TAOK3: variants seen among roughly 807,000 people sequenced by gnomAD.
TAOK3 encodes the protein TAO kinase 3, also known as serine/threonine-protein kinase TAO3.
In TAOK3, 40 loss-of-function variants were observed where a neutral mutation model predicts 120.4. The ratio of observed to expected loss-of-function variants is 0.33; its 90% CI spans 0.26 to 0.43. TAOK3 has a LOEUF of 0.43. Ranked by LOEUF, TAOK3 falls within the 20% of genes least tolerant of loss-of-function variation. The pLI is 1.00. For synonymous variants in TAOK3, 355 were observed against 387.5 expected (o/e 0.92, Z 0.99); for missense variants, 821 against 1,112.1 (o/e 0.74, Z 3.72).
chr12:118,317,097 T>C (rs1179580634), intron 1 of TAOK3, among the ~76,000 whole-genome samples: 3 of 151,942 alleles, frequency 2.0e-5, no homozygotes, highest in African/African-American at 4.8e-5. Flanking sequence ...GCCCCGTCTC[T>C]ATTAAAAATA....
intron 19 of TAOK3, among the ~76,000 whole-genome samples, chr12:118,158,803 G>C (rs1248974375): frequency 1.3e-5 from 2 of 152,060 alleles, no homozygotes; most frequent in Non-Finnish European, 2.9e-5. Flanking sequence ...TCAAACTCCT[G>C]GCTTCTGAGG....
intron 9 of TAOK3, among the ~76,000 whole-genome samples, chr12:118,222,273 G>T (rs947931722): frequency 6.6e-5 from 10 of 152,222 alleles, no homozygotes; most frequent in African/African-American, 9.6e-5. Context: ...GGTGACTCAC[G>T]CCTATAATCC....
In TAOK3 at chr12:118,319,531, A is replaced by T. The variant is rs1475268303; in HGVS notation, c.-193-52772T>A. ...TGAAATGAGAACTAGAAAACTTAAT[A>T]TTGTCAAGGACTTGAATAGCCATTT... On this transcript the variant is annotated intron_variant, in intron 1 of 20. Coordinates refer to ENST00000392533, the MANE Select transcript of TAOK3 (RefSeq NM_016281.4). Among the ~76,000 whole-genome samples the T allele has an allele frequency of 5.3e-5, 8 of 152,296 alleles. No individual in the cohort carries two copies. In the South Asian group the frequency reaches 1.4e-3, roughly 28 times the overall value.
rs150337923 is a variant in TAOK3, at chr12:118,277,490, T to C, written c.-193-10731A>G. On this transcript the variant is annotated intron_variant, in intron 1 of 20. Coordinates refer to ENST00000392533, the MANE Select transcript of TAOK3 (RefSeq NM_016281.4). ...ATTTTTTTTTTTTTAAGACGGAGTC[T>C]TGCTCCGTCGCCCAGGTTGGAGTGC... Among the ~76,000 whole-genome samples, 1,011 of 152,064 alleles carry C rather than the reference T, an allele frequency of 6.6e-3. 13 individuals carry two copies. Among genetic ancestry groups the C allele is most frequent in the African/African-American group, 0.023 (971 of 41,484 alleles).
Position 118,150,869 on chromosome 12 carries a change from A to C in TAOK3, c.*128T>G. On this transcript the variant is annotated 3_prime_UTR_variant, in exon 21 of 21. Coordinates refer to ENST00000392533, the MANE Select transcript of TAOK3 (RefSeq NM_016281.4). ...ACAGGCACTAGTCCGACACGATGTC[A>C]GTAAGAGTAAGAGAGAGAGAGAGTG... is the stretch of plus-strand genomic sequence containing the variant. 1.0e-6 allele frequency: 1 copy of C among 1,003,564 alleles called. No homozygotes were observed. The highest frequency in any genetic ancestry group is 1.4e-6 in the Non-Finnish European group (1 of 702,092). The allele number at this position is 1,003,564 out of a possible 1,614,324, so 62.2% of individuals were successfully genotyped here.
rs1252007376 is a variant in TAOK3 at position 118,150,894 on chromosome 12, G to A, written c.*103C>T. 8.6e-7 allele frequency: 1 copy of A among 1,161,230 alleles called. No homozygotes were observed. The highest frequency in any genetic ancestry group is 1.2e-6 in the Non-Finnish European group (1 of 835,130). The allele number at this position is 1,161,230 out of a possible 1,614,324, so 71.9% of individuals were successfully genotyped here. ...AGTAAGAGTAAGAGAGAGAGAGAGTGAGAGCAACGCCCGTTAAAATGGGGA... is the reference window on the plus strand; with the variant it reads ...AGTAAGAGTAAGAGAGAGAGAGAGTAAGAGCAACGCCCGTTAAAATGGGGA... On this transcript the variant is annotated 3_prime_UTR_variant, in exon 21 of 21. Coordinates refer to ENST00000392533, the MANE Select transcript of TAOK3 (RefSeq NM_016281.4).
rs140205947 is a variant in TAOK3, at chr12:118,304,641, T to C, written c.-193-37882A>G. Among the ~76,000 whole-genome samples, 169 of 152,366 alleles carry C rather than the reference T, an allele frequency of 1.1e-3. 1 individual carries two copies. Among genetic ancestry groups the C allele is most frequent in the Non-Finnish European group, 1.4e-3 (95 of 68,032 alleles). ...AGCCACTGATACATATTATCTACAC[T>C]GCTTTAAGGCTTTTGCTTTTTGAAT... On this transcript the variant is annotated intron_variant, in intron 1 of 20. Transcript: ENST00000392533.
intron 1 of TAOK3, among the ~76,000 whole-genome samples, chr12:118,334,883 C>CA (rs551811228): frequency 0.05 from 4,749 of 95,072 alleles, 263 homozygotes; most frequent in East Asian, 0.32. Flanking sequence ...ACTCCGTCTC[C>CA]AAAAAAAAAA....
rs534926298 is a variant in TAOK3, at chr12:118,361,287, A to G, written c.-194+11361T>C. ...TCTTAGGTTTTAGCCACAATGAGAT[A>G]CAGCCATCGTGGATGTATGGTGTGG... is the stretch of plus-strand genomic sequence containing the variant. On this transcript the variant is annotated intron_variant, in intron 1 of 20. Transcript: ENST00000392533. 5.9e-5 allele frequency among the ~76,000 whole-genome samples: 9 copies of G among 152,302 alleles called. No individual in the cohort carries two copies. The South Asian group carries it at 1.9e-3, about 32-fold the overall frequency.
rs1298778343 is a variant in TAOK3 at position 118,239,166 on chromosome 12, C to CGGTA, written c.340+57_340+60dup. On this transcript the variant is annotated intron_variant, in intron 6 of 20. Transcript: ENST00000392533. The stretch of plus-strand genomic sequence containing the variant: ...CTGCCCAAACTACACTTTAGTATGG[C>CGGTA]GGTAGATAACATTCTGATCAAAGTA... The CGGTA allele has an allele frequency of 1.8e-5, 19 of 1,062,852 alleles. No individual in the cohort carries two copies. The Admixed American group carries it at 3.4e-4, about 19-fold the overall frequency. The allele number at this position is 1,062,852 out of a possible 1,614,324, so 65.8% of individuals were successfully genotyped here. A position where few individuals can be genotyped will look rare whatever the true frequency, so the allele number is the denominator to read the frequency against.
intron 17 of TAOK3, among the ~76,000 whole-genome samples, 200 bp from the exon 18 acceptor site, chr12:118,162,227 A>C (rs1678522252): frequency 6.6e-6 from 1 of 152,202 alleles, no homozygotes; most frequent in Non-Finnish European, 1.5e-5. Context: ...TCCACCACTT[A>C]CAAAATGGGC....
chr12:118,231,392 T>G (rs2039776713), intron 9 of TAOK3, among the ~76,000 whole-genome samples: 1 of 151,970 alleles, frequency 6.6e-6, no homozygotes, highest in Non-Finnish European at 1.5e-5. Flanking sequence ...TAATTAATAC[T>G]TCTTTAATGT....
At chr12:118,252,460 GC>G (rs1409954077) in intron 3 of TAOK3, among the ~76,000 whole-genome samples, 2 of 152,080 alleles carry the variant, frequency 1.3e-5, no homozygotes, top group African/African-American at 4.8e-5. Flanking sequence ...ATAAAGAGGG[GC>G]TTTTGGGATG....
intron 19 of TAOK3, among the ~76,000 whole-genome samples, chr12:118,158,492 T>G (rs2034993330): frequency 6.6e-6 from 1 of 152,194 alleles, no homozygotes; most frequent in African/African-American, 2.4e-5. Flanking sequence ...CTTTTATTGT[T>G]CTAGCTTGGT....
At chr12:118,200,194 G>A (rs2139260674) in intron 12 of TAOK3, 1 of 152,258 alleles carries the variant, frequency 6.6e-6, no homozygotes, top group South Asian at 2.1e-4. Flanking sequence ...ATAGTTCAAT[G>A]CAACTTTCCG....
chr12:118,271,874 A>C (rs1009629124), intron 1 of TAOK3, among the ~76,000 whole-genome samples: 16 of 152,184 alleles, frequency 1.1e-4, no homozygotes, highest in African/African-American at 3.1e-4. Flanking sequence ...AACAGGCATA[A>C]AATAAGTTTT....
intron 14 of TAOK3, among the ~76,000 whole-genome samples, chr12:118,186,601 C>T (rs1287207880): frequency 6.6e-6 from 1 of 152,078 alleles, no homozygotes; most frequent in Non-Finnish European, 1.5e-5. Flanking sequence ...TTCCAGATAA[C>T]ACATGAGCCC....
At chr12:118,316,222 A>G (rs772930865) in intron 1 of TAOK3, among the ~76,000 whole-genome samples, 1 of 152,210 alleles carries the variant, frequency 6.6e-6, no homozygotes, top group Admixed American at 6.5e-5. Context: ...CCTAATGATC[A>G]TGGATTTGTT....
chr12:118,195,893 A>T (rs544779813), intron 13 of TAOK3, among the ~76,000 whole-genome samples: 5 of 152,006 alleles, frequency 3.3e-5, no homozygotes, highest in Non-Finnish European at 7.4e-5. Flanking sequence ...TACTAAAAAT[A>T]CAAAAAATTA....
Sources: allele counts gnomAD v4.1 joint callset (sites outside exome capture counted in the v4.1 genomes callset), GRCh38; gene constraint gnomAD v4.1.1; transcripts MANE v1.5; gene names NCBI Gene and HGNC (gene_info 2026-07-23, HGNC 2026-07-21).